The following SOD2 variants were observed in gnomAD, a reference collection of about 807,000 sequenced individuals.
The protein encoded by SOD2 is superoxide dismutase 2.
Under a neutral mutation model 27.0 loss-of-function variants are expected in SOD2, and 11 were observed. The ratio of observed to expected loss-of-function variants is 0.41; its 90% CI spans 0.26 to 0.67. The LOEUF (loss-of-function observed/expected upper bound fraction) is 0.67, where lower values mean the gene tolerates loss of function less well. Among genes scored for constraint, SOD2 ranks in the 30% least tolerant of loss-of-function variants. The probability of loss-of-function intolerance (pLI) is 0.34; values close to 1 mark genes in which losing one functional copy is unlikely to be tolerated. For synonymous variants in SOD2, 105 were observed against 103.0 expected (o/e 1.02, Z -0.12); for missense variants, 250 against 274.5 (o/e 0.91, Z 0.63).
upstream of SOD2, among the ~76,000 whole-genome samples, chr6:159,747,468 T>C (rs1172074139): frequency 1.3e-5 from 2 of 151,942 alleles, 1 homozygote; most frequent in Non-Finnish European, 2.9e-5. Flanking sequence ...TTCGGATCTA[T>C]TCAGAAGGGG....
intron 1 of SOD2, among the ~76,000 whole-genome samples, chr6:159,752,903 T>C (rs1779873198): frequency 6.6e-6 from 1 of 152,202 alleles, no homozygotes; most frequent in African/African-American, 2.4e-5. Flanking sequence ...CTGGCTACTT[T>C]TTAAAAAATT....
chr6:159,752,294 A>G (rs527338723), intron 1 of SOD2, among the ~76,000 whole-genome samples: 3 of 152,338 alleles, frequency 2.0e-5, no homozygotes, highest in South Asian at 4.1e-4. Flanking sequence ...TCTTTATCCA[A>G]GTCTCAAAGG....
At chr6:159,714,089 C>T (rs1304772661) in intron 1 of SOD2, 3 of 587,970 alleles carry the variant, frequency 5.1e-6, no homozygotes, top group East Asian at 5.6e-5. Flanking sequence ...AGCAAGATGA[C>T]AAGCAGAACT....
At chr6:159,706,080 C>T (rs561456999) in intron 1 of SOD2, among the ~76,000 whole-genome samples, 244 of 152,304 alleles carry the variant, frequency 1.6e-3, no homozygotes, top group Middle Eastern at 6.8e-3. Flanking sequence ...GAGATTTTGT[C>T]ACCACCAGGC....
chr6:159,713,961 C>A, intron 1 of SOD2: 1 of 826,384 alleles, frequency 1.2e-6, no homozygotes, highest in Non-Finnish European at 1.9e-6. Flanking sequence ...ACCACGAACC[C>A]CTCCCTGCCT....
chr6:159,754,032 T>C (rs902202238), intron 1 of SOD2, among the ~76,000 whole-genome samples: 3 of 152,224 alleles, frequency 2.0e-5, no homozygotes, highest in Admixed American at 6.5e-5. Flanking sequence ...GTGAAGGTTT[T>C]ATTAGTGAAT....
intron 1 of SOD2, among the ~76,000 whole-genome samples, chr6:159,744,276 G>A (rs1583093087): frequency 6.6e-6 from 1 of 152,068 alleles, no homozygotes; most frequent in Non-Finnish European, 1.5e-5. Context: ...CTATGTCTAC[G>A]TAGATCTGAA....
chr6:159,672,136 G>A lies in SOD2; in HGVS notation c.*10357C>T, dbSNP rs183490995. 2.0e-4 allele frequency: 30 copies of A among 152,294 alleles called. No individual in the cohort carries two copies. Among genetic ancestry groups the A allele is most frequent in the East Asian group, 5.8e-4 (3 of 5,192 alleles). 9.4% of individuals were successfully genotyped at this position (152,294 alleles called of 1,614,324 possible). The stretch of plus-strand genomic sequence containing the variant: ...TCTGATTGGTGTACCTGAAAGTGAC[G>A]GGGAGAATGGAACCAAGCTGGAAAA... On this transcript the variant is annotated 3_prime_UTR_variant, in exon 5 of 5. Transcript: ENST00000538183.
intron 1 of SOD2, among the ~76,000 whole-genome samples, chr6:159,734,391 A>G (rs981506653): frequency 2.6e-5 from 4 of 151,726 alleles, no homozygotes; most frequent in Admixed American, 6.6e-5. Flanking sequence ...AAAAAAAAAA[A>G]ATTCAGTTTA....
intron 1 of SOD2, among the ~76,000 whole-genome samples, chr6:159,722,399 T>A (rs1215520794): frequency 1.3e-5 from 2 of 151,912 alleles, no homozygotes; most frequent in African/African-American, 4.8e-5. Context: ...CAAAAACAAA[T>A]GAAACAAAAA....
intron 1 of SOD2, chr6:159,726,970 C>T: frequency 7.8e-7 from 1 of 1,282,256 alleles, no homozygotes; most frequent in Non-Finnish European, 1.0e-6. Context: ...GAACACAGAG[C>T]GGCCAATCAC....
intron 1 of SOD2, chr6:159,720,567 A>G (rs1011564405): frequency 6.6e-6 from 1 of 152,514 alleles, no homozygotes; most frequent in Non-Finnish European, 1.5e-5. Flanking sequence ...TCACGCGTTG[A>G]TATTTCATTT....
At chr6:159,739,824 CTTTTTTTTTTTTTTTTTTTT>C (rs56389349) in intron 1 of SOD2, among the ~76,000 whole-genome samples, 2 of 85,158 alleles carry the variant, frequency 2.3e-5, no homozygotes, top group Non-Finnish European at 4.4e-5. Flanking sequence ...CACTTTTTAC[CTTTTTTTTTTTTTTTTTTTT>C]TTTTTTTTTT....
chr6:159,685,814 G>C (rs1264897688), intron 3 of SOD2, among the ~76,000 whole-genome samples: 2 of 152,098 alleles, frequency 1.3e-5, no homozygotes, highest in Non-Finnish European at 2.9e-5. Context: ...AATTCGCTTA[G>C]GATAATGGCC....
At chr6:159,755,504 C>G (rs760633061) in intron 1 of SOD2, 5 of 1,614,126 alleles carry the variant, frequency 3.1e-6, no homozygotes, top group Non-Finnish European at 3.4e-6. Context: ...CAGTCATGAC[C>G]CTCAAGAGGA....
intron 1 of SOD2, chr6:159,755,723 GTTTT>G: frequency 1.2e-6 from 1 of 834,902 alleles, no homozygotes; most frequent in African/African-American, 3.1e-5. Context: ...GTACGTTTTG[GTTTT>G]TTTTTGTTGT....
At chr6:159,747,967 T>C (rs1442386403), upstream of SOD2, among the ~76,000 whole-genome samples, 2 of 152,214 alleles carry the variant, frequency 1.3e-5, no homozygotes, top group Non-Finnish European at 2.9e-5. Flanking sequence ...TCAATACATA[T>C]AATGTATAGT....
At chr6:159,699,530 C>T (rs1777488027) in intron 1 of SOD2, among the ~76,000 whole-genome samples, 1 of 151,956 alleles carries the variant, frequency 6.6e-6, no homozygotes, top group South Asian at 2.1e-4. Flanking sequence ...TGGAAATGGA[C>T]ACCACCTCTT....
upstream of SOD2, chr6:159,748,074 AG>A: frequency 7.9e-7 from 1 of 1,264,476 alleles, no homozygotes; most frequent in Non-Finnish European, 1.1e-6. The surrounding 1 kb of genome is among the most constrained non-coding windows in gnomAD (Gnocchi z 5.6). Context: ...TCAGGATCAA[AG>A]AGGGGAGGAG....
Sources: allele counts gnomAD v4.1 joint callset (sites outside exome capture counted in the v4.1 genomes callset), GRCh38; gene constraint gnomAD v4.1.1; non-coding constraint Gnocchi (gnomAD v3.1); transcripts MANE v1.5; gene names NCBI Gene and HGNC (gene_info 2026-07-23, HGNC 2026-07-21).